The following LRMDA variants were observed in gnomAD, a reference collection of about 807,000 sequenced individuals.
LRMDA encodes the protein leucine rich melanocyte differentiation associated.
In LRMDA, 18 loss-of-function variants were observed where a neutral mutation model predicts 29.8. The ratio of observed to expected loss-of-function variants is 0.60; its 90% CI spans 0.42 to 0.90. The LOEUF is 0.90. LRMDA is among the 40% of genes least tolerant of loss of function. The pLI, the probability that LRMDA is intolerant of heterozygous loss-of-function variation, is 0.00. For synonymous variants in LRMDA, 125 were observed against 109.4 expected (o/e 1.14, Z -0.89); for missense variants, 273 against 273.9 (o/e 1.00, Z 0.02).
intron 2 of LRMDA, among the ~76,000 whole-genome samples, chr10:75,692,796 A>G (rs1159736049): frequency 6.6e-6 from 1 of 151,876 alleles, no homozygotes; most frequent in Non-Finnish European, 1.5e-5. Flanking sequence ...GAGAGGGGAG[A>G]ATGGCAGAGG....
At chr10:76,437,216 AT>A (rs1842254434) in intron 6 of LRMDA, among the ~76,000 whole-genome samples, 1 of 152,220 alleles carries the variant, frequency 6.6e-6, no homozygotes, top group Admixed American at 6.5e-5. Context: ...AGCTGGTCTC[AT>A]TCCTCTGCCT....
intron 6 of LRMDA, among the ~76,000 whole-genome samples, chr10:76,445,880 A>G (rs886583174): frequency 2.0e-5 from 3 of 151,888 alleles, no homozygotes; most frequent in African/African-American, 7.3e-5. Context: ...TCCCAATTCA[A>G]CTGAATATGA....
rs1192010697 is a variant in LRMDA at position 76,308,685 on chromosome 10, C to G, written c.517-15716C>G. On this transcript the variant is annotated intron_variant, in intron 5 of 6. Coordinates refer to ENST00000611255, the MANE Select transcript of LRMDA (RefSeq NM_001305581.2). ...CAGCCTGGGGATGGAGAAGCCATAGCAAGCACCCATATGGCTCACATTTTC... is the reference window on the plus strand; with the variant it reads ...CAGCCTGGGGATGGAGAAGCCATAGGAAGCACCCATATGGCTCACATTTTC... Among the ~76,000 whole-genome samples the G allele has an allele frequency of 3.3e-5, 5 of 152,336 alleles. No homozygotes were observed. The East Asian group carries it at 9.7e-4, about 29-fold the overall frequency.
chr10:76,096,121 G>A (rs1197690633), intron 5 of LRMDA, among the ~76,000 whole-genome samples: 1 of 152,046 alleles, frequency 6.6e-6, no homozygotes, highest in Non-Finnish European at 1.5e-5. Flanking sequence ...TTTAAAGTTT[G>A]ATAAAGTCCA....
In LRMDA at chr10:76,149,868, C is replaced by G. The variant is rs143801629; in HGVS notation, c.516+91085C>G. Among the ~76,000 whole-genome samples, 115 of 152,284 alleles carry G rather than the reference C, an allele frequency of 7.6e-4. No homozygotes were observed. The East Asian group carries it at 0.022, about 29-fold the overall frequency. On this transcript the variant is annotated intron_variant, in intron 5 of 6. Transcript: ENST00000611255. ...AGGGATTAATTGATCAGATCCTTCC[C>G]CATCAGACACCTGGTTGGAAACAGA...
At chr10:76,188,870 G>T (rs934433168) in intron 5 of LRMDA, among the ~76,000 whole-genome samples, 6 of 151,580 alleles carry the variant, frequency 4.0e-5, no homozygotes, top group African/African-American at 1.5e-4. Context: ...AAATTTCTCA[G>T]TTCTTCATAC....
intron 5 of LRMDA, among the ~76,000 whole-genome samples, chr10:76,063,273 G>A (rs1848731528): frequency 6.6e-6 from 1 of 152,176 alleles, no homozygotes; most frequent in Admixed American, 6.5e-5. Context: ...GAGTAGTGAG[G>A]TGTCTTTGAA....
chr10:75,948,915 C>T (rs1252603214), intron 2 of LRMDA, among the ~76,000 whole-genome samples: 1 of 151,854 alleles, frequency 6.6e-6, no homozygotes, highest in Non-Finnish European at 1.5e-5. Flanking sequence ...CAGAACTGAG[C>T]CAAATCCATT....
intron 2 of LRMDA, among the ~76,000 whole-genome samples, chr10:75,944,789 T>C (rs920734955): frequency 6.7e-6 from 1 of 149,988 alleles, no homozygotes; most frequent in Non-Finnish European, 1.5e-5. Flanking sequence ...ATTATAAATA[T>C]TGTGCTTTTT....
At chr10:75,820,258 C>G (rs1844134038) in intron 2 of LRMDA, among the ~76,000 whole-genome samples, 2 of 152,176 alleles carry the variant, frequency 1.3e-5, no homozygotes, top group Admixed American at 6.5e-5. Flanking sequence ...TGCTAGGCCA[C>G]AAGGCAAGCC....
intron 6 of LRMDA, among the ~76,000 whole-genome samples, chr10:76,527,818 A>G (rs750476463): frequency 6.6e-6 from 1 of 152,184 alleles, no homozygotes; most frequent in South Asian, 2.1e-4. Context: ...TTCTTAGGCC[A>G]TCTCAGGTAC....
intron 2 of LRMDA, among the ~76,000 whole-genome samples, chr10:75,806,271 A>G (rs1843850194): frequency 1.3e-5 from 2 of 152,330 alleles, no homozygotes; most frequent in South Asian, 4.1e-4. Flanking sequence ...GATGGGGACA[A>G]ATATCCAAAC....
chr10:76,548,524 T>A (rs1209098924), intron 6 of LRMDA, among the ~76,000 whole-genome samples: 4 of 151,994 alleles, frequency 2.6e-5, no homozygotes, highest in African/African-American at 9.7e-5. Context: ...AGCAGTTTAT[T>A]TGGGGGCTGG....
At chr10:75,446,242 C>T (rs1844394294) in intron 2 of LRMDA, among the ~76,000 whole-genome samples, 1 of 152,248 alleles carries the variant, frequency 6.6e-6, no homozygotes, top group African/African-American at 2.4e-5. Flanking sequence ...AACCCTGCTT[C>T]TGTCACTCAC....
intron 4 of LRMDA, among the ~76,000 whole-genome samples, chr10:76,056,872 T>A (rs987832090): frequency 3.9e-5 from 6 of 151,988 alleles, no homozygotes; most frequent in Non-Finnish European, 7.4e-5. Flanking sequence ...CCCCACCAAC[T>A]CAGGAGGGCA....
At chr10:76,305,861 G>T (rs1840548663) in intron 5 of LRMDA, among the ~76,000 whole-genome samples, 1 of 152,130 alleles carries the variant, frequency 6.6e-6, no homozygotes, top group Non-Finnish European at 1.5e-5. Context: ...GAACGGCTCT[G>T]TGAATAATTT....
intron 5 of LRMDA, among the ~76,000 whole-genome samples, chr10:76,066,476 C>T (rs945176481): frequency 1.1e-4 from 17 of 151,932 alleles, no homozygotes; most frequent in African/African-American, 3.4e-4. Context: ...TTTTTTCCCC[C>T]GGGTCTTCCT....
At chr10:76,114,940 T>C (rs1485279893) in intron 5 of LRMDA, among the ~76,000 whole-genome samples, 2 of 152,222 alleles carry the variant, frequency 1.3e-5, no homozygotes, top group African/African-American at 4.8e-5. Context: ...AGCTGAAATG[T>C]GTTCTGACTC....
intron 2 of LRMDA, among the ~76,000 whole-genome samples, chr10:75,467,160 A>C (rs1371669708): frequency 6.6e-6 from 1 of 152,072 alleles, no homozygotes; most frequent in Non-Finnish European, 1.5e-5. Context: ...CCCATCCTGG[A>C]GGGGGTGGAA....
Sources: gnomAD v4.1 joint callset for allele counts (sites outside exome capture counted in the v4.1 genomes callset) on GRCh38, gnomAD v4.1.1 for gene constraint, MANE v1.5 for transcripts, NCBI Gene and HGNC (gene_info 2026-07-23, HGNC 2026-07-21) for gene names.